Variants in FUT9 observed in about 807,000 individuals in gnomAD.
The protein encoded by FUT9 is fucosyltransferase 9.
In FUT9, 15 loss-of-function variants were observed where a neutral mutation model predicts 29.7. That is an observed-to-expected ratio of 0.51 (90% confidence interval 0.34 to 0.78). FUT9 has a LOEUF of 0.78. Ranked by LOEUF, FUT9 falls within the 30% of genes least tolerant of loss-of-function variation. FUT9 has a pLI of 0.01. For synonymous variants in FUT9, 169 were observed against 153.7 expected, an observed-to-expected ratio of 1.10 and a Z score of -0.74; for missense variants, 319 against 425.4, an observed-to-expected ratio of 0.75 and a Z score of 2.20.
chr6:96,177,909 C>A (rs1215453620), intron 2 of FUT9, among the ~76,000 whole-genome samples: 1 of 152,078 alleles, frequency 6.6e-6, no homozygotes, highest in Non-Finnish European at 1.5e-5. Flanking sequence ...TAGAATTACA[C>A]CAACCAATAA....
chr6:96,066,404 A>G (rs1770962523), intron 1 of FUT9, among the ~76,000 whole-genome samples: 1 of 152,064 alleles, frequency 6.6e-6, no homozygotes. Context: ...TATGATTCTA[A>G]CAAGTATACT....
chr6:96,018,159 C>T (rs1376330706), intron 1 of FUT9, among the ~76,000 whole-genome samples: 3 of 150,510 alleles, frequency 2.0e-5, no homozygotes, highest in Non-Finnish European at 4.4e-5. Flanking sequence ...ATATTTAGGG[C>T]TTGACTGAGA....
intron 1 of FUT9, among the ~76,000 whole-genome samples, chr6:96,017,131 TAAG>T (rs1028512966): frequency 6.6e-6 from 1 of 152,234 alleles, no homozygotes; most frequent in Non-Finnish European, 1.5e-5. Flanking sequence ...CTCTTGAGGA[TAAG>T]AAGCTTTTTC....
chr6:96,096,082 T>C (rs918585722), intron 1 of FUT9, among the ~76,000 whole-genome samples: 1 of 152,164 alleles, frequency 6.6e-6, no homozygotes, highest in Non-Finnish European at 1.5e-5. Context: ...ACAATGTCTC[T>C]ACTTGGAAGT....
intron 2 of FUT9, among the ~76,000 whole-genome samples, chr6:96,187,207 A>G (rs561796433): frequency 6.6e-6 from 1 of 152,108 alleles, no homozygotes; most frequent in East Asian, 1.9e-4. Flanking sequence ...TATCATTAGC[A>G]GATAGAGGAC....
chr6:96,131,441 C>A (rs915377690), intron 2 of FUT9, among the ~76,000 whole-genome samples: 2 of 152,164 alleles, frequency 1.3e-5, no homozygotes, highest in Non-Finnish European at 2.9e-5. Flanking sequence ...CATACTCCTC[C>A]AAACACACAC....
chr6:96,153,943 G>A (rs1485947809), intron 2 of FUT9, among the ~76,000 whole-genome samples: 2 of 152,186 alleles, frequency 1.3e-5, no homozygotes, highest in African/African-American at 4.8e-5. Flanking sequence ...TTCTCCTGGA[G>A]GGGGAGCTAC....
intron 2 of FUT9, among the ~76,000 whole-genome samples, chr6:96,143,034 A>G (rs1462774244): frequency 6.6e-6 from 1 of 152,204 alleles, no homozygotes; most frequent in East Asian, 1.9e-4. Flanking sequence ...AAAGAGAAAT[A>G]AAATCTTAGT....
intron 1 of FUT9, among the ~76,000 whole-genome samples, chr6:96,030,422 T>C (rs1770241825): frequency 6.6e-6 from 1 of 151,554 alleles, no homozygotes. Flanking sequence ...GATATCACTG[T>C]AGACCTATTA....
intron 1 of FUT9, among the ~76,000 whole-genome samples, chr6:96,107,057 C>A (rs910514079): frequency 6.6e-6 from 1 of 152,102 alleles, no homozygotes; most frequent in African/African-American, 2.4e-5. Flanking sequence ...TGCCTCCTGG[C>A]CTACAATGCC....
chr6:96,156,114 C>G (rs1005734392), intron 2 of FUT9, among the ~76,000 whole-genome samples: 1 of 152,150 alleles, frequency 6.6e-6, no homozygotes, highest in African/African-American at 2.4e-5. Context: ...GAGGTTGATG[C>G]ATTTCTCTTC....
intron 2 of FUT9, among the ~76,000 whole-genome samples, chr6:96,146,627 A>G (rs1340097839): frequency 6.6e-6 from 1 of 152,228 alleles, no homozygotes; most frequent in East Asian, 1.9e-4. Context: ...TTAATTCTGG[A>G]GTGCCACTTT....
intron 1 of FUT9, among the ~76,000 whole-genome samples, chr6:96,046,576 A>G (rs1485231191): frequency 6.6e-6 from 1 of 152,108 alleles, no homozygotes; most frequent in African/African-American, 2.4e-5. Flanking sequence ...CTGAAGACCT[A>G]CACCCTAACT....
At chr6:96,099,724 CCAGA>C (rs1419738858) in intron 1 of FUT9, among the ~76,000 whole-genome samples, 2 of 151,934 alleles carry the variant, frequency 1.3e-5, no homozygotes, top group Admixed American at 6.6e-5. Context: ...CTTTTGATGG[CCAGA>C]CACTCATCAA....
At chr6:96,199,137 A>C (rs1773683085) in intron 2 of FUT9, among the ~76,000 whole-genome samples, 1 of 152,194 alleles carries the variant, frequency 6.6e-6, no homozygotes, top group Admixed American at 6.6e-5. Flanking sequence ...ATTTACTGTT[A>C]CAATTTGCTT....
chr6:96,065,693 T>C (rs960810227), intron 1 of FUT9, among the ~76,000 whole-genome samples: 2 of 152,210 alleles, frequency 1.3e-5, no homozygotes, highest in African/African-American at 4.8e-5. Context: ...AGACAACAGC[T>C]ACAAAACTGC....
intron 1 of FUT9, among the ~76,000 whole-genome samples, chr6:96,020,335 A>T (rs776672153): frequency 6.6e-6 from 1 of 152,140 alleles, no homozygotes; most frequent in Non-Finnish European, 1.5e-5. Context: ...CTGTAAGCAA[A>T]ATGCACTTAC....
chr6:96,135,185 CA>C (rs1252283080), intron 2 of FUT9, among the ~76,000 whole-genome samples: 12 of 151,772 alleles, frequency 7.9e-5, no homozygotes, highest in Admixed American at 4.6e-4. Flanking sequence ...TTTTTCTATA[CA>C]ATCTTACAAA....
At chr6:96,190,337 A>C (rs926503674) in intron 2 of FUT9, among the ~76,000 whole-genome samples, 66 of 152,182 alleles carry the variant, frequency 4.3e-4, no homozygotes, top group African/African-American at 1.6e-3. Context: ...GCTGCCCTTA[A>C]CATTTTTTCC....
Sources: gnomAD v4.1 joint callset for allele counts (sites outside exome capture counted in the v4.1 genomes callset) on GRCh38, gnomAD v4.1.1 for gene constraint, MANE v1.5 for transcripts, NCBI Gene and HGNC (gene_info 2026-07-23, HGNC 2026-07-21) for gene names.